The following DLC1 variants were observed in gnomAD, a reference collection of about 807,000 sequenced individuals.
The protein encoded by DLC1 is DLC1 Rho GTPase activating protein, also known as rho GTPase-activating protein 7.
DLC1 carries 54 observed loss-of-function variants against 140.3 expected under a neutral mutation model. The ratio of observed to expected loss-of-function variants is 0.38; its 90% CI spans 0.31 to 0.48. The LOEUF is 0.48. DLC1 is among the 20% of genes least tolerant of loss of function. DLC1 has a pLI of 0.96. For synonymous variants in DLC1, 986 were observed against 728.1 expected (o/e 1.35, Z -5.70); for missense variants, 2,536 against 1,907.0 (o/e 1.33, Z -6.14).
At chr8:13,578,853 C>G (rs1244993295) in intron 1 of DLC1, among the ~76,000 whole-genome samples, 1 of 152,020 alleles carries the variant, frequency 6.6e-6, no homozygotes, top group Non-Finnish European at 1.5e-5. Context: ...TCTGTGGAGA[C>G]TTCATCACGT....
intron 1 of DLC1, among the ~76,000 whole-genome samples, chr8:13,530,249 T>A (rs893752661): frequency 6.6e-5 from 10 of 152,210 alleles, no homozygotes; most frequent in Non-Finnish European, 1.3e-4. Flanking sequence ...CTAAGTCCTC[T>A]ATGCTTGCCT....
chr8:13,432,794 A>G (rs1435847115), intron 2 of DLC1, among the ~76,000 whole-genome samples: 5 of 152,186 alleles, frequency 3.3e-5, no homozygotes, highest in Non-Finnish European at 2.9e-5. Context: ...AAGTCTACTC[A>G]GGAGGTGAGA....
At chr8:13,407,217 G>C (rs945327776) in intron 2 of DLC1, among the ~76,000 whole-genome samples, 1 of 152,150 alleles carries the variant, frequency 6.6e-6, no homozygotes, top group African/African-American at 2.4e-5. Flanking sequence ...TTAGTTCCTG[G>C]GCAGTGAAGC....
chr8:13,137,530 C>A (rs1193164887), intron 5 of DLC1, among the ~76,000 whole-genome samples: 1 of 151,198 alleles, frequency 6.6e-6, no homozygotes, highest in Non-Finnish European at 1.5e-5. Context: ...GATTTGGCAA[C>A]AAGACCTGTG....
In DLC1 at chr8:13,201,921, G is replaced by GTT. The variant is rs35475930; in HGVS notation, c.1349-86266_1349-86265dup. Among the ~76,000 whole-genome samples the GTT allele has an allele frequency of 2.7e-3, 270 of 101,732 alleles. 3 individuals carry two copies. Among genetic ancestry groups the GTT allele is most frequent in the Middle Eastern group, 6.8e-3 (1 of 146 alleles). 66.7% of individuals were successfully genotyped at this position (101,732 alleles called of 152,430 possible). On this transcript the variant is annotated intron_variant, in intron 5 of 17. Coordinates refer to ENST00000276297, the MANE Select transcript of DLC1 (RefSeq NM_182643.3). The stretch of plus-strand genomic sequence containing the variant: ...AGGTACTAAGTCTAGTACCCAAAAG[G>GTT]TTTTTTTTTTTTTTTTTTTTTTGGT...
At chr8:13,266,736 CTT>C (rs1830702738) in intron 5 of DLC1, among the ~76,000 whole-genome samples, 1 of 151,926 alleles carries the variant, frequency 6.6e-6, no homozygotes, top group Admixed American at 6.6e-5. Context: ...TAGAGAAAGA[CTT>C]AGTATTAAAA....
At chr8:13,158,336 G>T (rs542356960) in intron 5 of DLC1, among the ~76,000 whole-genome samples, 1 of 152,292 alleles carries the variant, frequency 6.6e-6, no homozygotes, top group East Asian at 1.9e-4. Flanking sequence ...CAATGCATTT[G>T]CTCTACTTGG....
intron 2 of DLC1, among the ~76,000 whole-genome samples, chr8:13,441,724 G>T (rs1286567804): frequency 6.6e-6 from 1 of 152,072 alleles, no homozygotes; most frequent in Non-Finnish European, 1.5e-5. Context: ...ACAAACAAAT[G>T]GAGGAACATT....
chr8:13,406,975 C>G (rs540439622), intron 2 of DLC1, among the ~76,000 whole-genome samples: 1 of 152,282 alleles, frequency 6.6e-6, no homozygotes, highest in East Asian at 1.9e-4. Flanking sequence ...ACAGAAACAT[C>G]CTGTTGCTTT....
chr8:13,233,260 A>ACT (rs1424004457), intron 5 of DLC1, among the ~76,000 whole-genome samples: 2 of 139,550 alleles, frequency 1.4e-5, no homozygotes, highest in Admixed American at 8.1e-5. Flanking sequence ...ATGCCACTAC[A>ACT]CTCCAGCCTG....
chr8:13,105,592 CTTT>C (rs1270510962), intron 7 of DLC1, among the ~76,000 whole-genome samples: 2 of 140,980 alleles, frequency 1.4e-5, no homozygotes, highest in African/African-American at 2.6e-5. Context: ...TCTTTTTCTT[CTTT>C]TTTTTTTTTT....
intron 5 of DLC1, among the ~76,000 whole-genome samples, chr8:13,203,296 T>C (rs908772633): frequency 1.3e-5 from 2 of 152,182 alleles, no homozygotes; most frequent in African/African-American, 4.8e-5. Flanking sequence ...AAACGTTTAT[T>C]TGAATGATTT....
intron 5 of DLC1, among the ~76,000 whole-genome samples, chr8:13,128,419 C>T (rs1400920267): frequency 6.6e-6 from 1 of 152,168 alleles, no homozygotes; most frequent in African/African-American, 2.4e-5. Context: ...CATTCCTGCA[C>T]TCTAACATTA....
chr8:13,398,612 A>AAG (rs1389509102), intron 3 of DLC1, among the ~76,000 whole-genome samples: 1 of 150,902 alleles, frequency 6.6e-6, no homozygotes, highest in East Asian at 1.9e-4. Flanking sequence ...TACCAAAAAA[A>AAG]AAAAAAAAAA....
rs563700332 is a variant in DLC1, at chr8:13,284,614, C to G, written c.1348+20655G>C. On this transcript the variant is annotated intron_variant, in intron 5 of 17. Coordinates refer to ENST00000276297, the MANE Select transcript of DLC1 (RefSeq NM_182643.3). Reference sequence around the variant, plus strand: ...AACAAACAGTTTAGAAGAACAAAACCTGGTTCTTTGAAGAGATCAATACAA... The same window carrying G: ...AACAAACAGTTTAGAAGAACAAAACGTGGTTCTTTGAAGAGATCAATACAA... Among the ~76,000 whole-genome samples, 3 of 152,028 alleles carry G rather than the reference C, an allele frequency of 2.0e-5. 1 individual carries two copies. Among genetic ancestry groups the G allele is most frequent in the Non-Finnish European group, 2.9e-5 (2 of 68,004 alleles).
chr8:13,097,884 C>T (rs1818639056), intron 10 of DLC1, among the ~76,000 whole-genome samples: 1 of 152,052 alleles, frequency 6.6e-6, no homozygotes, highest in African/African-American at 2.4e-5. Context: ...TCAAATGTGG[C>T]CTCAAGAATA....
intron 5 of DLC1, among the ~76,000 whole-genome samples, chr8:13,238,731 A>G (rs1829405914): frequency 6.6e-6 from 1 of 152,156 alleles, no homozygotes; most frequent in African/African-American, 2.4e-5. Context: ...GATCCTGCCC[A>G]GCTGTGGCCC....
intron 4 of DLC1, among the ~76,000 whole-genome samples, chr8:13,391,071 A>T (rs964263099): frequency 6.6e-6 from 1 of 152,190 alleles, no homozygotes; most frequent in Non-Finnish European, 1.5e-5. Context: ...AAATTTCGTA[A>T]AAGTCGATTG....
chr8:13,106,743 G>C (rs1405422452), intron 7 of DLC1, among the ~76,000 whole-genome samples: 2 of 152,228 alleles, frequency 1.3e-5, no homozygotes, highest in Admixed American at 6.5e-5. Flanking sequence ...TTACAACAAA[G>C]TGAATACTGC....
Sources: gnomAD v4.1 joint callset for allele counts (sites outside exome capture counted in the v4.1 genomes callset) on GRCh38, gnomAD v4.1.1 for gene constraint, MANE v1.5 for transcripts, NCBI Gene and HGNC (gene_info 2026-07-23, HGNC 2026-07-21) for gene names.